The following USP47 variants were observed in gnomAD, a reference collection of about 807,000 sequenced individuals.
USP47 encodes the protein ubiquitin carboxyl-terminal hydrolase 47.
USP47 carries 35 observed loss-of-function variants against 165.1 expected under a neutral mutation model. That is an observed-to-expected ratio of 0.21 (90% confidence interval 0.16 to 0.28). The LOEUF (loss-of-function observed/expected upper bound fraction) is 0.28. Among genes scored for constraint, USP47 ranks in the 10% least tolerant of loss-of-function variants. USP47 has a pLI of 1.00. For synonymous variants in USP47, 531 were observed against 544.5 expected (o/e 0.98, Z 0.35); for missense variants, 1,277 against 1,607.4 (o/e 0.79, Z 3.52).
At chr11:11,846,773 A>G (rs912676792) in intron 1 of USP47, among the ~76,000 whole-genome samples, 7 of 152,254 alleles carry the variant, frequency 4.6e-5, no homozygotes, top group Admixed American at 3.9e-4. Flanking sequence ...ATCAGTATCT[A>G]TTATGGAACA....
rs549651256 is a variant in USP47, at chr11:11,956,943, T to A, written c.*768T>A. The A allele has an allele frequency of 1.6e-4, 25 of 152,376 alleles. No homozygotes were observed. The East Asian group carries it at 4.8e-3, about 29-fold the overall frequency. 9.4% of individuals were successfully genotyped at this position (152,376 alleles called of 1,614,324 possible). On this transcript the variant is annotated 3_prime_UTR_variant, in exon 28 of 28. Coordinates refer to ENST00000527733, the MANE Select transcript of USP47 (RefSeq NM_001282659.2). ...TAAAATTGATCCTGTTGAGTTATCA[T>A]AATTGCAGTTCAACTATCTGCCATG...
chr11:11,844,751 A>G (rs1241334990), intron 1 of USP47, among the ~76,000 whole-genome samples: 2 of 151,646 alleles, frequency 1.3e-5, no homozygotes, highest in Non-Finnish European at 2.9e-5. Context: ...GCCTTTGTAT[A>G]GGGAACCTCT....
chr11:11,856,513 C>T (rs532108734), intron 1 of USP47: 23 of 152,036 alleles, frequency 1.5e-4, no homozygotes, highest in African/African-American at 4.8e-4. Context: ...GGTGGGATAT[C>T]CTTAGGCATA....
chr11:11,910,132 T>G (rs1852855535), intron 8 of USP47, among the ~76,000 whole-genome samples: 1 of 152,188 alleles, frequency 6.6e-6, no homozygotes, highest in Non-Finnish European at 1.5e-5. Context: ...ATGGAGTAGA[T>G]GTACATTGCC....
chr11:11,862,713 A>G (rs943371051), intron 1 of USP47, among the ~76,000 whole-genome samples: 11 of 152,128 alleles, frequency 7.2e-5, no homozygotes, highest in Admixed American at 2.6e-4. Context: ...CGTATGGGAT[A>G]CAAGCATAAT....
In USP47 at chr11:11,842,078, C is replaced by A; in HGVS notation, c.-108C>A. ...TGAGGCCTCCGCTATTGCTGGAGCGCAGGCGGCGGAGAGGATGACTGCCGC... is the reference window on the plus strand; with the variant it reads ...TGAGGCCTCCGCTATTGCTGGAGCGAAGGCGGCGGAGAGGATGACTGCCGC... On this transcript the variant is annotated 5_prime_UTR_variant, in exon 1 of 28. Coordinates refer to ENST00000527733, the MANE Select transcript of USP47 (RefSeq NM_001282659.2). The A allele has an allele frequency of 1.5e-6, 2 of 1,365,912 alleles. No individual in the cohort carries two copies. The highest frequency in any genetic ancestry group is 2.0e-6 in the Non-Finnish European group (2 of 997,892). The allele number at this position is 1,365,912 out of a possible 1,614,324, so 84.6% of individuals were successfully genotyped here. A position where few individuals can be genotyped will look rare whatever the true frequency, so the allele number is the denominator to read the frequency against.
chr11:11,867,078 G>A (rs937737530), intron 1 of USP47, among the ~76,000 whole-genome samples: 2 of 151,978 alleles, frequency 1.3e-5, no homozygotes, highest in African/African-American at 4.8e-5. Flanking sequence ...TGTATTTTTG[G>A]TAGAGACAGG....
intron 1 of USP47, among the ~76,000 whole-genome samples, chr11:11,879,759 C>T (rs577195022): frequency 7.2e-5 from 11 of 152,100 alleles, no homozygotes; most frequent in African/African-American, 2.6e-4. Context: ...GCACAATTCC[C>T]ATTTTTTTTT....
At position 11,933,953 on chromosome 11, in the gene USP47, A is replaced by T; in HGVS notation, c.1869+18A>T. On this transcript the variant is annotated intron_variant, in intron 16 of 27. Coordinates refer to ENST00000527733, the MANE Select transcript of USP47 (RefSeq NM_001282659.2). ...CTTATAAGGTATGTTTAATTGCATC[A>T]TTGGCATTTACTTACTAATACAACA... 1 of 1,543,902 alleles carries T rather than the reference A, an allele frequency of 6.5e-7. No homozygotes were observed. The highest frequency in any genetic ancestry group is 8.9e-7 in the Non-Finnish European group (1 of 1,120,516).
At chr11:11,898,213 T>C (rs1851969391) in intron 5 of USP47, among the ~76,000 whole-genome samples, 1 of 152,132 alleles carries the variant, frequency 6.6e-6, no homozygotes, top group Non-Finnish European at 1.5e-5. Flanking sequence ...AGGAAGTCTA[T>C]GTTTAAGTAA....
Position 11,858,037 on chromosome 11 carries a change from A to G in USP47, c.39+15813A>G, listed in dbSNP as rs376322994. On this transcript the variant is annotated intron_variant, in intron 1 of 27. Coordinates refer to ENST00000527733, the MANE Select transcript of USP47 (RefSeq NM_001282659.2). Reference sequence around the variant, plus strand: ...ACATGAGGTGAATACCAAGTGACCAATGGGAAACCTTTGGCAGGTATTTGG... The same window carrying G: ...ACATGAGGTGAATACCAAGTGACCAGTGGGAAACCTTTGGCAGGTATTTGG... Among the ~76,000 whole-genome samples the G allele has an allele frequency of 8.5e-5, 13 of 152,288 alleles. No homozygotes were observed. In the South Asian group the frequency reaches 2.3e-3, roughly 27 times the overall value.
Position 11,960,560 on chromosome 11 carries a change from T to C in USP47, c.*4385T>C, listed in dbSNP as rs1013282339. The stretch of plus-strand genomic sequence containing the variant: ...TGTCTCAAAAAGTTCCCCTCAGAAG[T>C]TTCAGCCAAGGGAATAAAATCTAAC... On this transcript the variant is annotated 3_prime_UTR_variant, in exon 28 of 28. Coordinates refer to ENST00000527733, the MANE Select transcript of USP47 (RefSeq NM_001282659.2). Among the ~76,000 whole-genome samples the C allele has an allele frequency of 1.3e-5, 2 of 152,124 alleles. No homozygotes were observed. Among genetic ancestry groups the C allele is most frequent in the Non-Finnish European group, 2.9e-5 (2 of 68,008 alleles).
chr11:11,908,547 A>T (rs1852734700), intron 8 of USP47, among the ~76,000 whole-genome samples: 1 of 152,068 alleles, frequency 6.6e-6, no homozygotes, highest in African/African-American at 2.4e-5. Context: ...TTAAAATAGG[A>T]CTGAAAGTAG....
Position 11,953,201 on chromosome 11 carries a change from TA to T in USP47, c.3714+338del, listed in dbSNP as rs954772252. On this transcript the variant is annotated intron_variant, in intron 25 of 27. Coordinates refer to ENST00000527733, the MANE Select transcript of USP47 (RefSeq NM_001282659.2). ...TTACTAGAGTGAATTGCTTTATGTC[TA>T]AAAAAAACCAAATGAAGTCGAATTG... 5.3e-5 allele frequency among the ~76,000 whole-genome samples: 8 copies of T among 151,954 alleles called. No homozygotes were observed. In the South Asian group the frequency reaches 1.7e-3, roughly 32 times the overall value.
In USP47 at chr11:11,959,851, C is replaced by A. The variant is rs577136134; in HGVS notation, c.*3676C>A. ...ACCAGGTCAGAAATTGTTATTGGAC[C>A]CTAAAACCTTGCCTCACAGGTGGGC... On this transcript the variant is annotated 3_prime_UTR_variant, in exon 28 of 28. Coordinates refer to ENST00000527733, the MANE Select transcript of USP47 (RefSeq NM_001282659.2). Among the ~76,000 whole-genome samples the A allele has an allele frequency of 1.4e-4, 22 of 152,194 alleles. No homozygotes were observed. The highest frequency in any genetic ancestry group is 2.9e-5 in the Non-Finnish European group (2 of 68,004).
chr11:11,897,828 A>G (rs1026958895), intron 5 of USP47, 135 bp downstream of exon 5: 10 of 586,160 alleles, frequency 1.7e-5, no homozygotes, highest in Middle Eastern at 9.4e-4. Context: ...TTCTTTCCTT[A>G]CGTAATAACA....
chr11:11,948,692 C>T, intron 22 of USP47, 134 bp downstream of exon 22: 1 of 688,710 alleles, frequency 1.5e-6, no homozygotes, highest in Non-Finnish European at 2.5e-6. Flanking sequence ...TGCAGTTTAG[C>T]AGGCCATACT....
chr11:11,933,105 A>C lies in USP47; in HGVS notation c.1753A>C (p.Asn585His). The C allele has an allele frequency of 6.2e-7, 1 of 1,612,780 alleles. No individual in the cohort carries two copies. The highest frequency in any genetic ancestry group is 2.2e-5 in the East Asian group (1 of 44,826). Residue 585 changes from asparagine (N) to histidine (H), a missense_variant, in exon 15 of 28, where the codon AAT becomes CAT. By Grantham distance (68) the Asn-to-His change is moderately conservative (BLOSUM62 1). Coordinates refer to ENST00000527733, the MANE Select transcript of USP47 (RefSeq NM_001282659.2). ...AAAGAGACAACGAGAAATTGAGCGC[A>C]ATACATGCAAGGTTGAATTCCATCA... ...QEKRQREIER[N>H]TCKIKLFCLH...
In USP47 at chr11:11,866,121, T is replaced by A. The variant is rs181091549; in HGVS notation, c.40-14056T>A. On this transcript the variant is annotated intron_variant, in intron 1 of 27. Transcript: ENST00000527733. ...CATGAAACTTTTTCCCTTTGTTTTCTTCTAAGAGTTTTTATAGTTTTAGCT... is the reference window on the plus strand; with the variant it reads ...CATGAAACTTTTTCCCTTTGTTTTCATCTAAGAGTTTTTATAGTTTTAGCT... Among the ~76,000 whole-genome samples, 1,320 of 152,316 alleles carry A rather than the reference T, an allele frequency of 8.7e-3. 18 individuals are homozygous for A. The highest frequency in any genetic ancestry group is 0.025 in the South Asian group (122 of 4,828).
Sources: allele counts gnomAD v4.1 joint callset (sites outside exome capture counted in the v4.1 genomes callset), GRCh38; gene constraint gnomAD v4.1.1; transcripts MANE v1.5; gene names NCBI Gene and HGNC (gene_info 2026-07-23, HGNC 2026-07-21).